STIP1: variants seen among roughly 807,000 people sequenced by gnomAD.
STIP1 encodes the protein stress-induced-phosphoprotein 1.
In STIP1, 16 loss-of-function variants were observed where a neutral mutation model predicts 77.4. That is an observed-to-expected ratio of 0.21 (90% CI 0.14 to 0.31). The LOEUF is 0.31. STIP1 is among the 10% of genes least tolerant of loss of function. The probability of loss-of-function intolerance (pLI) is 1.00; values close to 1 mark genes in which losing one functional copy is unlikely to be tolerated. For synonymous variants in STIP1, 258 were observed against 246.6 expected, an observed-to-expected ratio of 1.05 and a Z score of -0.44; for missense variants, 524 against 684.8, an observed-to-expected ratio of 0.77 and a Z score of 2.62.
At chr11:64,186,492 G>A in intron 1 of STIP1, 1 of 410,924 alleles carries the variant, frequency 2.4e-6, no homozygotes, top group African/African-American at 2.1e-5. Context: ...CTGGTTGGGC[G>A]AGGAGGGCCC....
At chr11:64,188,212 C>A (rs982982299) in intron 1 of STIP1, among the ~76,000 whole-genome samples, 1 of 151,652 alleles carries the variant, frequency 6.6e-6, no homozygotes, top group East Asian at 1.9e-4. Context: ...CGGGTCATGG[C>A]GCAGGCCTGT....
chr11:64,204,276 T>A lies in STIP1; in HGVS notation c.*150T>A. 1 of 756,006 alleles carries A rather than the reference T, an allele frequency of 1.3e-6. No homozygotes were observed. 46.8% of individuals were successfully genotyped at this position (756,006 alleles called of 1,614,324 possible). On this transcript the variant is annotated 3_prime_UTR_variant, in exon 14 of 14. Coordinates refer to ENST00000305218, the MANE Select transcript of STIP1 (RefSeq NM_006819.3). The stretch of plus-strand genomic sequence containing the variant: ...ACCCCGGGGAAGACACAGAGACTCG[T>A]ACCTGCGCTGTTTGTGCCGCCGCTG...
intron 1 of STIP1, among the ~76,000 whole-genome samples, chr11:64,188,998 T>C (rs994525845): frequency 1.3e-5 from 2 of 152,166 alleles, no homozygotes; most frequent in African/African-American, 4.8e-5. Context: ...GGGCGGATCA[T>C]GAGGTCAGGA....
chr11:64,186,242 G>C lies in STIP1; in HGVS notation c.-20G>C, dbSNP rs764224952. On this transcript the variant is annotated 5_prime_UTR_variant, in exon 1 of 14. Transcript: ENST00000305218. ...GAGCGGACGGATTCGATTCAACGGG[G>C]TTCCGGACCGCGCTGCGCTATGGAG... 2 of 1,548,476 alleles carry C rather than the reference G, an allele frequency of 1.3e-6. No homozygotes were observed. The highest frequency in any genetic ancestry group is 4.9e-5 in the East Asian group (2 of 40,916).
At chr11:64,192,986 G>A in intron 1 of STIP1, 92 bp from the exon 2 acceptor site, 6 of 1,213,858 alleles carry the variant, frequency 4.9e-6, no homozygotes, top group Admixed American at 2.0e-5. Context: ...CTATTTATTT[G>A]TTGGTAACTA....
intron 1 of STIP1, among the ~76,000 whole-genome samples, chr11:64,192,458 T>C (rs958584847): frequency 7.2e-5 from 11 of 152,212 alleles, no homozygotes; most frequent in African/African-American, 2.4e-4. Flanking sequence ...AGGAATCAAT[T>C]TGGGGAGCTA....
chr11:64,186,001 C>A, upstream of STIP1: 2 of 1,543,204 alleles, frequency 1.3e-6, no homozygotes, highest in Non-Finnish European at 1.7e-6. Context: ...GCGCCCAATC[C>A]TGAGGTGCGG....
intron 1 of STIP1, among the ~76,000 whole-genome samples, chr11:64,188,073 G>A (rs1265894196): frequency 6.8e-6 from 1 of 146,428 alleles, no homozygotes; most frequent in Non-Finnish European, 1.5e-5. Context: ...TCGGCTGGGC[G>A]CAGTGGCTCA....
rs1390687662 is a variant in STIP1 at position 64,203,454 on chromosome 11, C to T, written c.1391C>T (p.Ala464Val). ...TTTGTCTCTTCTGGACTGCAGGAGG[C>T]GGCAGACGGCTACCAGCGCTGTATG... Reference protein sequence around the residue: ...ALDLDSSCKEAADGYQRCMMA... With the variant: ...ALDLDSSCKEVADGYQRCMMA... The change falls in exon 13 of 14, where the codon GCG (alanine) becomes GTG (valine). Residue 464 changes from alanine to valine, a missense_variant. By Grantham distance (64) the Ala-to-Val change is moderately conservative. Coordinates refer to ENST00000305218, the MANE Select transcript of STIP1 (RefSeq NM_006819.3). 13 of 1,613,786 alleles carry T rather than the reference C, an allele frequency of 8.1e-6. No homozygotes were observed. The highest frequency in any genetic ancestry group is 2.7e-5 in the African/African-American group (2 of 74,912).
rs756984535 is a variant in STIP1 at position 64,203,126 on chromosome 11, C to T, written c.1284C>T (p.Ile428=). The change falls in exon 12 of 14, where the codon ATC becomes ATT. Residue 428 remains isoleucine (I), a splice_region_variant and synonymous_variant. Coordinates refer to ENST00000305218, the MANE Select transcript of STIP1 (RefSeq NM_006819.3). ...ACGCGCCACCTTTCCTGTTTGTAGT[C>T]AAGGGTTATACACGGAAAGCCGCTG... ...EECIQLEPTF[I]KGYTRKAAAL... is the part of the protein sequence containing the mutation. The T allele has an allele frequency of 2.5e-6, 4 of 1,614,010 alleles. No homozygotes were observed. The highest frequency in any genetic ancestry group is 1.3e-5 in the African/African-American group (1 of 74,932).
upstream of STIP1, chr11:64,185,853 T>C (rs928362756): frequency 6.5e-7 from 1 of 1,535,636 alleles, no homozygotes; most frequent in Non-Finnish European, 8.7e-7. Context: ...ATGGGAGAGG[T>C]GGAAATTTCC....
intron 1 of STIP1, among the ~76,000 whole-genome samples, chr11:64,190,818 G>T (rs1591005254): frequency 6.6e-6 from 1 of 152,108 alleles, no homozygotes; most frequent in South Asian, 2.1e-4. Context: ...AATATGGTGA[G>T]ACACCATTTC....
chr11:64,197,752 G>A, intron 7 of STIP1, 102 bp from the exon 8 acceptor site: 1 of 1,561,818 alleles, frequency 6.4e-7, no homozygotes, highest in Admixed American at 1.8e-5. Flanking sequence ...AAAAGGTGTT[G>A]AAGGCAGTGA....
Position 64,194,542 on chromosome 11 carries a change from G to A in STIP1, c.425G>A (p.Arg142Lys), listed in dbSNP as rs145991884. ...TATCAGAAGTTGGAGAGTGATCCCA[G>A]GACAAGGACACTACTCAGTGATCCT... ...NLYQKLESDP[R>K]TRTLLSDPTY... The change falls in exon 4 of 14, where the codon AGG becomes AAG. Residue 142 changes from arginine to lysine, a missense_variant. By Grantham distance (26) the Arg-to-Lys change is conservative. Coordinates refer to ENST00000305218, the MANE Select transcript of STIP1 (RefSeq NM_006819.3). 1 of 1,614,124 alleles carries A rather than the reference G, an allele frequency of 6.2e-7. No individual in the cohort carries two copies. Among genetic ancestry groups the A allele is most frequent in the Non-Finnish European group, 8.5e-7 (1 of 1,180,022 alleles).
At chr11:64,188,233 A>G (rs973280594) in intron 1 of STIP1, among the ~76,000 whole-genome samples, 10 of 151,062 alleles carry the variant, frequency 6.6e-5, no homozygotes, top group African/African-American at 2.4e-4. Flanking sequence ...AATCCCAGCT[A>G]TTGGAGAGGC....
intron 1 of STIP1, among the ~76,000 whole-genome samples, chr11:64,188,991 C>A (rs1034768857): frequency 2.6e-5 from 4 of 152,042 alleles, no homozygotes; most frequent in Admixed American, 1.3e-4. Context: ...CCGAGGTGGG[C>A]GGATCATGAG....
At chr11:64,198,247 T>C (rs556943295) in intron 8 of STIP1, among the ~76,000 whole-genome samples, 56 of 151,120 alleles carry the variant, frequency 3.7e-4, no homozygotes, top group Admixed American at 1.7e-3. Context: ...TGGAGTCTGT[T>C]TGTCACCCAG....
upstream of STIP1, chr11:64,185,536 C>T: frequency 2.2e-6 from 1 of 450,836 alleles, no homozygotes; most frequent in Non-Finnish European, 4.0e-6. Flanking sequence ...CTCCCACCGG[C>T]TAGGACCCCC....
Position 64,203,607 on chromosome 11 carries a change from C to G in STIP1, c.1544C>G (p.Pro515Arg). 6.2e-7 allele frequency: 1 copy of G among 1,614,212 alleles called. No individual in the cohort carries two copies. The highest frequency in any genetic ancestry group is 8.5e-7 in the Non-Finnish European group (1 of 1,180,040). ...ATCCTGGAACAGATGCAGAAGGACC[C>G]CCAGGCACTCAGCGAGTACGTAGAG... is the stretch of plus-strand genomic sequence containing the variant. Reference protein sequence around the residue: ...RLILEQMQKDPQALSEHLKNP... With the variant: ...RLILEQMQKDRQALSEHLKNP... Residue 515 changes from proline to arginine, a missense_variant, in exon 13 of 14, where the codon CCC (proline) becomes CGC (arginine). Coordinates refer to ENST00000305218, the MANE Select transcript of STIP1 (RefSeq NM_006819.3).
Sources: allele counts gnomAD v4.1 joint callset (sites outside exome capture counted in the v4.1 genomes callset), GRCh38; gene constraint gnomAD v4.1.1; transcripts MANE v1.5; gene names NCBI Gene and HGNC (gene_info 2026-07-23, HGNC 2026-07-21).